FOXJ3: variants seen among roughly 807,000 people sequenced by gnomAD.
The protein encoded by FOXJ3 is forkhead box J3.
FOXJ3 carries 22 observed loss-of-function variants against 76.1 expected under a neutral mutation model. The ratio of observed to expected loss-of-function variants is 0.29; its 90% CI spans 0.21 to 0.41. The LOEUF (loss-of-function observed/expected upper bound fraction) is 0.41, where lower values mean the gene tolerates loss of function less well. FOXJ3 is among the 10% of genes least tolerant of loss of function. FOXJ3 has a pLI of 1.00. For synonymous variants in FOXJ3, 269 were observed against 261.2 expected, an observed-to-expected ratio of 1.03 and a Z score of -0.29; for missense variants, 613 against 762.1, an observed-to-expected ratio of 0.80 and a Z score of 2.30.
intron 2 of FOXJ3, among the ~76,000 whole-genome samples, chr1:42,293,448 C>T (rs1653572750): frequency 6.6e-6 from 1 of 151,968 alleles, no homozygotes; most frequent in Non-Finnish European, 1.5e-5. Context: ...TAAATGCAAA[C>T]TTAAAACAAC....
chr1:42,314,407 T>C (rs531111665), intron 1 of FOXJ3, among the ~76,000 whole-genome samples: 1 of 152,298 alleles, frequency 6.6e-6, no homozygotes, highest in South Asian at 2.1e-4. Flanking sequence ...TGCACCACCA[T>C]GTCTGGCTAC....
In FOXJ3 at chr1:42,291,067, T is replaced by TAGACAGAC. The variant is rs1468311182; in HGVS notation, c.45-12396_45-12395insGTCTGTCT. 4.8e-3 allele frequency among the ~76,000 whole-genome samples: 399 copies of TAGACAGAC among 82,402 alleles called. 4 individuals are homozygous for TAGACAGAC. Among genetic ancestry groups the TAGACAGAC allele is most frequent in the East Asian group, 0.013 (32 of 2,438 alleles). The allele number at this position is 82,402 out of a possible 152,430, so 54.1% of individuals were successfully genotyped here. On this transcript the variant is annotated intron_variant, in intron 2 of 12. Transcript: ENST00000361346. ...ATAGATAGATAGATAGATAGATAGA[T>TAGACAGAC]AGATAGATAGATAGATAGACAGACA...
At chr1:42,257,682 G>C (rs1265906757) in intron 4 of FOXJ3, among the ~76,000 whole-genome samples, 1 of 145,526 alleles carries the variant, frequency 6.9e-6, no homozygotes, top group Non-Finnish European at 1.5e-5. Flanking sequence ...GAGGTGCAGT[G>C]AAACAAGATC....
At chr1:42,187,419 CAGAG>C (rs1646460158) in intron 11 of FOXJ3, among the ~76,000 whole-genome samples, 1 of 152,098 alleles carries the variant, frequency 6.6e-6, no homozygotes, top group Non-Finnish European at 1.5e-5. Flanking sequence ...GGACAAAAAA[CAGAG>C]AGAGGTGGTA....
At chr1:42,241,749 A>G (rs1217294714) in intron 4 of FOXJ3, among the ~76,000 whole-genome samples, 1 of 152,216 alleles carries the variant, frequency 6.6e-6, no homozygotes, top group African/African-American at 2.4e-5. Flanking sequence ...GGGAATGAGG[A>G]CACACCACCT....
intron 1 of FOXJ3, among the ~76,000 whole-genome samples, chr1:42,317,446 T>G (rs1050862188): frequency 1.3e-5 from 2 of 148,198 alleles, no homozygotes; most frequent in East Asian, 2.0e-4. Flanking sequence ...ATTAAAATCA[T>G]GAGGATCTGC....
At chr1:42,190,162 A>G (rs1569791955) in intron 9 of FOXJ3, among the ~76,000 whole-genome samples, 1 of 152,238 alleles carries the variant, frequency 6.6e-6, no homozygotes, top group African/African-American at 2.4e-5. Flanking sequence ...GAGGCCATGC[A>G]GCAAGAGTTA....
chr1:42,220,283 G>A (rs1647154630), intron 5 of FOXJ3, among the ~76,000 whole-genome samples: 1 of 152,104 alleles, frequency 6.6e-6, no homozygotes, highest in African/African-American at 2.4e-5. Flanking sequence ...CATACACCGT[G>A]AGTCTACTAA....
intron 6 of FOXJ3, among the ~76,000 whole-genome samples, chr1:42,204,250 T>C (rs1466496267): frequency 6.6e-6 from 1 of 152,144 alleles, no homozygotes; most frequent in Non-Finnish European, 1.5e-5. Flanking sequence ...CTGGTTGTCT[T>C]AGTTTCCAAT....
At chr1:42,297,391 T>C (rs1653856529) in intron 2 of FOXJ3, among the ~76,000 whole-genome samples, 1 of 152,234 alleles carries the variant, frequency 6.6e-6, no homozygotes, top group Non-Finnish European at 1.5e-5. Context: ...TTCAACATGA[T>C]GTTGTCTGTA....
At chr1:42,326,899 G>C (rs111343577) in intron 1 of FOXJ3, among the ~76,000 whole-genome samples, 129 of 152,238 alleles carry the variant, frequency 8.5e-4, no homozygotes, top group African/African-American at 2.8e-3. Flanking sequence ...AAGAAACAAG[G>C]AGAATGCAGG....
At chr1:42,243,738 G>T (rs1649326626) in intron 4 of FOXJ3, among the ~76,000 whole-genome samples, 1 of 152,062 alleles carries the variant, frequency 6.6e-6, no homozygotes, top group South Asian at 2.1e-4. Flanking sequence ...AAATATATAT[G>T]CATCCAACAC....
In FOXJ3 at chr1:42,305,973, AT is replaced by A. The variant is rs1654434698; in HGVS notation, c.44+5076del. Among the ~76,000 whole-genome samples the A allele has an allele frequency of 3.3e-5, 5 of 152,350 alleles. No homozygotes were observed. The South Asian group carries it at 1.0e-3, about 32-fold the overall frequency. ...TGTATCAAAATATCTCATGTACCCC[AT>A]AAATATACATTTTACCCACAAAAAT... On this transcript the variant is annotated intron_variant, in intron 2 of 12. Transcript: ENST00000361346.
intron 2 of FOXJ3, among the ~76,000 whole-genome samples, chr1:42,282,365 A>C (rs376145164): frequency 6.6e-6 from 1 of 152,150 alleles, no homozygotes; most frequent in Non-Finnish European, 1.5e-5. Context: ...CATTATGCCT[A>C]AACACTTTCA....
At chr1:42,269,170 GA>G (rs914884958) in intron 3 of FOXJ3, among the ~76,000 whole-genome samples, 51 of 151,954 alleles carry the variant, frequency 3.4e-4, no homozygotes, top group African/African-American at 1.2e-3. Context: ...TTAGAAAGGG[GA>G]TAACTAATAA....
intron 1 of FOXJ3, among the ~76,000 whole-genome samples, chr1:42,325,664 T>C (rs1374888657): frequency 3.3e-5 from 5 of 152,204 alleles, no homozygotes. Context: ...AATGGAAGCT[T>C]ATAAGTAGAT....
intron 1 of FOXJ3, among the ~76,000 whole-genome samples, chr1:42,321,216 C>T (rs1655408706): frequency 6.6e-6 from 1 of 152,116 alleles, no homozygotes; most frequent in African/African-American, 2.4e-5. Flanking sequence ...TCAGCTGATT[C>T]TGATGTAGTC....
intron 11 of FOXJ3, among the ~76,000 whole-genome samples, chr1:42,186,973 G>A (rs1028549986): frequency 6.6e-6 from 1 of 152,056 alleles, no homozygotes; most frequent in Non-Finnish European, 1.5e-5. Context: ...TCAACCTCCC[G>A]GGTGGCTGGG....
At chr1:42,203,591 C>T (rs1342559458) in intron 6 of FOXJ3, among the ~76,000 whole-genome samples, 1 of 152,182 alleles carries the variant, frequency 6.6e-6, no homozygotes, top group African/African-American at 2.4e-5. Flanking sequence ...CAATATTTGT[C>T]CCTCCTATTC....
Sources: gnomAD v4.1 joint callset for allele counts (sites outside exome capture counted in the v4.1 genomes callset) on GRCh38, gnomAD v4.1.1 for gene constraint, MANE v1.5 for transcripts, NCBI Gene and HGNC (gene_info 2026-07-23, HGNC 2026-07-21) for gene names.